The following NFIC variants were observed in gnomAD, a reference collection of about 807,000 sequenced individuals.
NFIC encodes nuclear factor I C.
In NFIC, 12 loss-of-function variants were observed where a neutral mutation model predicts 54.4. The observed-to-expected ratio is 0.22, with a 90% CI of 0.14 to 0.36. The LOEUF is 0.36. NFIC is among the 10% of genes least tolerant of loss of function. The pLI, the probability that NFIC is intolerant of heterozygous loss-of-function variation, is 1.00. For missense variants in NFIC, 575 were observed against 718.2 expected, an observed-to-expected ratio of 0.80 and a Z score of 2.28; for synonymous variants, 322 against 319.2, an observed-to-expected ratio of 1.01 and a Z score of -0.09.
chr19:3,414,422 C>G (rs1233478384), intron 2 of NFIC, among the ~76,000 whole-genome samples: 2 of 151,938 alleles, frequency 1.3e-5, no homozygotes, highest in East Asian at 3.9e-4. Context: ...TGGCAAAACC[C>G]TGTCTCTACT....
At chr19:3,362,576 G>A (rs1036135731), upstream of NFIC, among the ~76,000 whole-genome samples, 2 of 152,018 alleles carry the variant, frequency 1.3e-5, no homozygotes, top group Non-Finnish European at 2.9e-5. Context: ...TGTGTCTGCA[G>A]CTGCTTGAGT....
At chr19:3,423,182 A>T (rs1234002109) in intron 2 of NFIC, among the ~76,000 whole-genome samples, 2 of 152,144 alleles carry the variant, frequency 1.3e-5, no homozygotes, top group Admixed American at 1.3e-4. Context: ...TGGGAGACAG[A>T]GTGAGACCCT....
chr19:3,414,230 C>T (rs1389633894), intron 2 of NFIC, among the ~76,000 whole-genome samples: 1 of 152,160 alleles, frequency 6.6e-6, no homozygotes, highest in Non-Finnish European at 1.5e-5. Context: ...ACACTGTAAA[C>T]ATTTTAGGCT....
chr19:3,412,282 C>T (rs962519183), intron 2 of NFIC, among the ~76,000 whole-genome samples: 6 of 152,108 alleles, frequency 3.9e-5, no homozygotes, highest in Admixed American at 3.9e-4. Flanking sequence ...GGGTCTTGCT[C>T]TGTTGCCCAG....
intron 2 of NFIC, among the ~76,000 whole-genome samples, chr19:3,416,867 C>T (rs1228457652): frequency 6.9e-6 from 1 of 145,536 alleles, no homozygotes; most frequent in African/African-American, 2.6e-5. Context: ...CATGGTGGCT[C>T]ACGCCTGTAA....
intron 1 of NFIC, among the ~76,000 whole-genome samples, chr19:3,378,127 A>G (rs1229595430): frequency 1.3e-5 from 2 of 151,758 alleles, no homozygotes; most frequent in East Asian, 3.9e-4. Flanking sequence ...TGGCTGTAAT[A>G]GTGTGTGCCT....
chr19:3,437,924 A>G (rs572679791), intron 6 of NFIC, among the ~76,000 whole-genome samples: 1 of 151,868 alleles, frequency 6.6e-6, no homozygotes, highest in Non-Finnish European at 1.5e-5. Flanking sequence ...GTGATCCGCC[A>G]ACCTCAAGTG....
intron 1 of NFIC, among the ~76,000 whole-genome samples, chr19:3,367,893 AC>A (rs1047275486): frequency 1.3e-5 from 2 of 150,874 alleles, no homozygotes; most frequent in African/African-American, 2.4e-5. Context: ...GCAGTGAGGG[AC>A]CCCCCACGCC....
intron 2 of NFIC, among the ~76,000 whole-genome samples, chr19:3,409,261 C>T (rs1057348203): frequency 2.6e-5 from 4 of 152,092 alleles, no homozygotes; most frequent in African/African-American, 9.7e-5. Context: ...CCCTTGTCAC[C>T]GAACCTTTGT....
intron 2 of NFIC, among the ~76,000 whole-genome samples, chr19:3,398,031 G>T (rs1456241475): frequency 6.6e-6 from 1 of 152,106 alleles, no homozygotes; most frequent in Non-Finnish European, 1.5e-5. Context: ...CCTGTGGGTT[G>T]CTGGGCAGAT....
chr19:3,366,290 C>T (rs1396867873), upstream of NFIC, among the ~76,000 whole-genome samples: 2 of 148,594 alleles, frequency 1.3e-5, no homozygotes, highest in South Asian at 2.2e-4. Flanking sequence ...TTCTCGCTCG[C>T]GCCCTTTTTT....
Position 3,467,990 on chromosome 19 carries a change from A to T in NFIC, c.*5221A>T, listed in dbSNP as rs1474891684. 6.6e-6 allele frequency: 1 copy of T among 151,100 alleles called. No homozygotes were observed. The highest frequency in any genetic ancestry group is 2.4e-5 in the African/African-American group (1 of 40,950). 9.4% of individuals were successfully genotyped at this position (151,100 alleles called of 1,614,324 possible). Reference sequence around the variant, plus strand: ...ACACTTCCTGAGAGTCTCACCTTCAAAATGACACCGCTGCCCATCCATTGC... The same window carrying T: ...ACACTTCCTGAGAGTCTCACCTTCATAATGACACCGCTGCCCATCCATTGC... On this transcript the variant is annotated 3_prime_UTR_variant, in exon 11 of 11. Transcript: ENST00000443272.
At chr19:3,396,156 G>A (rs2081459146) in intron 2 of NFIC, among the ~76,000 whole-genome samples, 1 of 152,178 alleles carries the variant, frequency 6.6e-6, no homozygotes, top group African/African-American at 2.4e-5. Flanking sequence ...TGGATGCTGG[G>A]CACGGGAAGC....
chr19:3,393,840 G>T (rs2081414973), intron 2 of NFIC, among the ~76,000 whole-genome samples: 1 of 142,170 alleles, frequency 7.0e-6, no homozygotes. Context: ...AAAAAAAAGA[G>T]TTCCAACCAC....
intron 6 of NFIC, 67 bp downstream of exon 6, chr19:3,435,274 C>G: frequency 6.9e-7 from 1 of 1,452,268 alleles, no homozygotes; most frequent in Non-Finnish European, 9.2e-7. Flanking sequence ...ACTACGTCTT[C>G]CGGCAGCCAC....
At chr19:3,454,195 C>T (rs761355378) in intron 9 of NFIC, 39 of 1,238,976 alleles carry the variant, frequency 3.1e-5, no homozygotes, top group Middle Eastern at 3.1e-4. Context: ...CGCCGTGGGC[C>T]GTCAGAAACC....
intron 9 of NFIC, among the ~76,000 whole-genome samples, chr19:3,455,858 T>G (rs149649994): frequency 6.6e-6 from 1 of 152,260 alleles, no homozygotes; most frequent in Non-Finnish European, 1.5e-5. Flanking sequence ...CACCCCCCTT[T>G]CCCTGCACCG....
At position 3,459,204 on chromosome 19, in the gene NFIC, T is replaced by G. The variant is rs2082605234; in HGVS notation, c.1509+2569T>G. Among the ~76,000 whole-genome samples the G allele has an allele frequency of 2.1e-5, 3 of 145,814 alleles. No individual in the cohort carries two copies. The highest frequency in any genetic ancestry group is 2.3e-4 in the South Asian group (1 of 4,272). On this transcript the variant is annotated intron_variant, in intron 10 of 10. Transcript: ENST00000443272. The surrounding 1 kb of genome is among the most constrained non-coding windows in gnomAD (Gnocchi z 4.2). The stretch of plus-strand genomic sequence containing the variant: ...CCCCAAAGCCTGGGTGGGCGCGCCT[T>G]TCCCTCTGCCTCTCCGGCTCCCGAC...
Position 3,464,778 on chromosome 19 carries a change from G to T in NFIC, c.*2009G>T. 1 of 921,626 alleles carries T rather than the reference G, an allele frequency of 1.1e-6. No individual in the cohort carries two copies. Among genetic ancestry groups the T allele is most frequent in the Non-Finnish European group, 1.3e-6 (1 of 771,706 alleles). The allele number at this position is 921,626 out of a possible 1,614,324, so 57.1% of individuals were successfully genotyped here. On this transcript the variant is annotated 3_prime_UTR_variant, in exon 11 of 11. Transcript: ENST00000443272. ...CCCCAAGAGAGGTTCGCCATCCTCTGGCCTCGAGCCCTTGGTCCCTCCGTC... is the reference window on the plus strand; with the variant it reads ...CCCCAAGAGAGGTTCGCCATCCTCTTGCCTCGAGCCCTTGGTCCCTCCGTC...
Sources: allele counts gnomAD v4.1 joint callset (sites outside exome capture counted in the v4.1 genomes callset), GRCh38; gene constraint gnomAD v4.1.1; non-coding constraint Gnocchi (gnomAD v3.1); transcripts MANE v1.5; gene names NCBI Gene and HGNC (gene_info 2026-07-23, HGNC 2026-07-21).